Variants in GABRB3 observed in about 807,000 individuals in gnomAD.
The protein encoded by GABRB3 is gamma-aminobutyric acid receptor subunit beta-3.
GABRB3 carries 14 observed loss-of-function variants against 52.1 expected under a neutral mutation model. That is an observed-to-expected ratio of 0.27 (90% CI 0.18 to 0.42). GABRB3 has a LOEUF of 0.42. Ranked by LOEUF, GABRB3 falls within the 10% of genes least tolerant of loss-of-function variation. The probability of loss-of-function intolerance (pLI) is 1.00; values close to 1 mark genes in which losing one functional copy is unlikely to be tolerated. For synonymous variants in GABRB3, 260 were observed against 232.3 expected (o/e 1.12, Z -1.08); for missense variants, 307 against 609.1 (o/e 0.50, Z 5.22).
At chr15:26,599,264 G>C (rs1157515732) in intron 4 of GABRB3, among the ~76,000 whole-genome samples, 1 of 152,182 alleles carries the variant, frequency 6.6e-6, no homozygotes, top group Non-Finnish European at 1.5e-5. Flanking sequence ...TCCAGAGATG[G>C]AAAGGGGCTA....
chr15:26,690,391 A>C (rs1218161837), intron 3 of GABRB3, among the ~76,000 whole-genome samples: 1 of 152,150 alleles, frequency 6.6e-6, no homozygotes, highest in Non-Finnish European at 1.5e-5. Context: ...AAATTCTTGT[A>C]CAAAAGCAGT....
At chr15:26,638,938 G>A (rs1451427533) in intron 3 of GABRB3, among the ~76,000 whole-genome samples, 1 of 152,174 alleles carries the variant, frequency 6.6e-6, no homozygotes, top group African/African-American at 2.4e-5. Context: ...CCGGTGAGGT[G>A]CAAGAACACA....
chr15:26,684,174 G>A (rs950329835), intron 3 of GABRB3, among the ~76,000 whole-genome samples: 5 of 152,084 alleles, frequency 3.3e-5, no homozygotes, highest in East Asian at 1.9e-4. Flanking sequence ...TGCTCAGGAC[G>A]TCCCCTGAAG....
chr15:26,732,361 GATAA>G (rs1452054855), intron 3 of GABRB3, among the ~76,000 whole-genome samples: 4 of 149,042 alleles, frequency 2.7e-5, no homozygotes, highest in African/African-American at 1.0e-4. Flanking sequence ...TAGATAGAGA[GATAA>G]ATAAACAGCA....
chr15:26,764,594 G>A (rs1375715293), intron 3 of GABRB3, among the ~76,000 whole-genome samples: 2 of 152,132 alleles, frequency 1.3e-5, no homozygotes, highest in African/African-American at 4.8e-5. Flanking sequence ...TACATTTCCA[G>A]CTACAGAGAT....
chr15:26,637,292 G>A (rs1378179683), intron 3 of GABRB3, among the ~76,000 whole-genome samples: 2 of 152,040 alleles, frequency 1.3e-5, no homozygotes, highest in African/African-American at 4.8e-5. Flanking sequence ...CCTTAGTCAG[G>A]TCTGCTCAGA....
At chr15:26,554,160 A>ATATATATATAT (rs1567097351) in intron 8 of GABRB3, among the ~76,000 whole-genome samples, 1 of 20,810 alleles carries the variant, frequency 4.8e-5, no homozygotes, top group African/African-American at 1.7e-4. Context: ...ATATATATAA[A>ATATATATATAT]GTATATATAT....
intron 3 of GABRB3, among the ~76,000 whole-genome samples, chr15:26,628,662 A>C (rs1274667576): frequency 6.6e-6 from 1 of 150,552 alleles, no homozygotes; most frequent in Non-Finnish European, 1.5e-5. Context: ...GACCCTACAC[A>C]GCTATTTTCG....
chr15:26,742,128 G>A (rs1287769860), intron 3 of GABRB3, among the ~76,000 whole-genome samples: 1 of 152,076 alleles, frequency 6.6e-6, no homozygotes, highest in African/African-American at 2.4e-5. Flanking sequence ...AATGCTGGGT[G>A]AAAAGTGACT....
chr15:26,625,365 A>C (rs1009870646), intron 3 of GABRB3: 33 of 515,768 alleles, frequency 6.4e-5, no homozygotes, highest in East Asian at 1.5e-4. Context: ...CTATAGAAAG[A>C]AGCTTTGTAA....
intron 3 of GABRB3, chr15:26,767,294 T>G (rs1453004489): frequency 1.3e-5 from 2 of 152,146 alleles, no homozygotes; most frequent in East Asian, 3.9e-4. Context: ...CCAGCGTGCT[T>G]TGTAATAAGA....
intron 3 of GABRB3, among the ~76,000 whole-genome samples, chr15:26,661,347 G>A (rs979149867): frequency 4.6e-5 from 7 of 151,876 alleles, no homozygotes; most frequent in Non-Finnish European, 8.8e-5. Context: ...GCACACACAC[G>A]CACACAATTC....
chr15:26,709,016 C>G (rs910647699), intron 3 of GABRB3, among the ~76,000 whole-genome samples: 1 of 152,146 alleles, frequency 6.6e-6, no homozygotes, highest in Non-Finnish European at 1.5e-5. Context: ...ATTATCTTTT[C>G]TACTAAAAGA....
intron 3 of GABRB3, among the ~76,000 whole-genome samples, chr15:26,768,235 A>ATTTTAAT (rs1279172544): frequency 5.9e-5 from 9 of 152,316 alleles, no homozygotes; most frequent in South Asian, 4.1e-4. Flanking sequence ...ATTAGGATTG[A>ATTTTAAT]GTTAATTTTA....
intron 7 of GABRB3, 117 bp downstream of exon 7, chr15:26,567,464 G>T (rs1383357125): frequency 4.4e-6 from 4 of 907,890 alleles, no homozygotes; most frequent in East Asian, 5.2e-5. Flanking sequence ...GACTATACAG[G>T]CAATGCTTGT....
At chr15:26,762,152 T>C (rs997122756) in intron 3 of GABRB3, among the ~76,000 whole-genome samples, 1 of 152,136 alleles carries the variant, frequency 6.6e-6, no homozygotes, top group Non-Finnish European at 1.5e-5. Context: ...TTTATTCTTA[T>C]AATAGGTACA....
chr15:26,554,118 A>AGT (rs1383435138), intron 8 of GABRB3, among the ~76,000 whole-genome samples: 1 of 89,254 alleles, frequency 1.1e-5, no homozygotes, highest in East Asian at 2.4e-4. Flanking sequence ...ATATATATAA[A>AGT]GTGTGTGTGT....
Position 26,654,669 on chromosome 15 carries a change from G to A in GABRB3, c.241-33135C>T, listed in dbSNP as rs79862613. ...CCCACTCCTGGGTAGGCTGACTTAAGAGAAGCATGTGAGACCAGGAATTCA... is the reference window on the plus strand; with the variant it reads ...CCCACTCCTGGGTAGGCTGACTTAAAAGAAGCATGTGAGACCAGGAATTCA... On this transcript the variant is annotated intron_variant, in intron 3 of 8. Coordinates refer to ENST00000311550, the MANE Select transcript of GABRB3 (RefSeq NM_000814.6). Among the ~76,000 whole-genome samples the A allele has an allele frequency of 3.7e-4, 57 of 152,236 alleles. No individual in the cohort carries two copies. The East Asian group carries it at 0.011, about 28-fold the overall frequency.
chr15:26,728,991 C>G (rs1889840349), intron 3 of GABRB3, among the ~76,000 whole-genome samples: 1 of 152,118 alleles, frequency 6.6e-6, no homozygotes, highest in African/African-American at 2.4e-5. Context: ...ACAGAAACAC[C>G]CTTATACTGA....
Sources: gnomAD v4.1 joint callset for allele counts (sites outside exome capture counted in the v4.1 genomes callset) on GRCh38, gnomAD v4.1.1 for gene constraint, MANE v1.5 for transcripts, NCBI Gene and HGNC (gene_info 2026-07-23, HGNC 2026-07-21) for gene names.